The following TNFRSF21 variants were observed in gnomAD, a reference collection of about 807,000 sequenced individuals.
The protein encoded by TNFRSF21 is tumor necrosis factor receptor superfamily member 21.
A neutral mutation model predicts 45.6 loss-of-function variants in TNFRSF21; 19 were observed. The ratio of observed to expected loss-of-function variants is 0.42; its 90% CI spans 0.29 to 0.61. The LOEUF (loss-of-function observed/expected upper bound fraction) is 0.61. TNFRSF21 is among the 20% of genes least tolerant of loss of function. The probability of loss-of-function intolerance (pLI) is 0.23; values close to 1 mark genes in which losing one functional copy is unlikely to be tolerated. For missense variants in TNFRSF21, 737 were observed against 851.5 expected (o/e 0.87, Z 1.67); for synonymous variants, 314 against 335.5 (o/e 0.94, Z 0.70).
Position 47,286,034 on chromosome 6 carries a change from A to C in TNFRSF21, c.658T>G (p.Ser220Ala). The C allele has an allele frequency of 1.2e-6, 2 of 1,614,186 alleles. No individual in the cohort carries two copies. The highest frequency in any genetic ancestry group is 1.7e-6 in the Non-Finnish European group (2 of 1,180,030). Residue 220 changes from serine (S) to alanine (A), a missense_variant, in exon 2 of 6, where the codon TCC becomes GCC. Transcript: ENST00000296861. ...VCGTLPSFSS[S>A]TSPSPGTAIF... ...GCTGTGCCAGGGGAAGGTGAGGTGG[A>C]GCTGGAGAAGGACGGGAGTGTGCCA...
chr6:47,305,248 C>A (rs990657789), intron 1 of TNFRSF21, among the ~76,000 whole-genome samples: 1 of 152,168 alleles, frequency 6.6e-6, no homozygotes, highest in African/African-American at 2.4e-5. Flanking sequence ...CCCAATTCAT[C>A]CCTGGGTTCC....
At chr6:47,293,992 T>A (rs1762763368) in intron 1 of TNFRSF21, among the ~76,000 whole-genome samples, 1 of 152,226 alleles carries the variant, frequency 6.6e-6, no homozygotes, top group Admixed American at 6.5e-5. Flanking sequence ...ACTGGTGCTA[T>A]CCATGCCCTC....
chr6:47,258,121 AT>A (rs1425388868), intron 3 of TNFRSF21, among the ~76,000 whole-genome samples: 1 of 152,050 alleles, frequency 6.6e-6, no homozygotes, highest in Non-Finnish European at 1.5e-5. Context: ...TATGCCTGTA[AT>A]TCTTTGGGAG....
intron 4 of TNFRSF21, among the ~76,000 whole-genome samples, chr6:47,252,119 T>C (rs1764908925): frequency 6.6e-6 from 1 of 152,196 alleles, no homozygotes; most frequent in Non-Finnish European, 1.5e-5. Context: ...GATAAAAGCA[T>C]TTGGACTTCT....
intron 4 of TNFRSF21, among the ~76,000 whole-genome samples, chr6:47,246,852 A>G (rs1330106949): frequency 2.6e-5 from 4 of 152,200 alleles, no homozygotes; most frequent in African/African-American, 9.6e-5. Context: ...GGACAAATAT[A>G]TATCTGCTCT....
intron 4 of TNFRSF21, among the ~76,000 whole-genome samples, chr6:47,238,895 C>T (rs1298542410): frequency 6.6e-6 from 1 of 152,168 alleles, no homozygotes; most frequent in Non-Finnish European, 1.5e-5. Context: ...CATTGCCTTT[C>T]CCCATTTCCA....
chr6:47,291,328 A>G (rs1238642606), intron 1 of TNFRSF21, among the ~76,000 whole-genome samples: 2 of 152,234 alleles, frequency 1.3e-5, no homozygotes, highest in Non-Finnish European at 2.9e-5. Flanking sequence ...GGGAGAAGGC[A>G]TATAATTGCA....
At chr6:47,293,188 T>C (rs1414408685) in intron 1 of TNFRSF21, among the ~76,000 whole-genome samples, 4 of 152,172 alleles carry the variant, frequency 2.6e-5, no homozygotes, top group Non-Finnish European at 2.9e-5. Flanking sequence ...CTTAAGTGTA[T>C]ATACTTATCT....
rs751084440 is a variant in TNFRSF21 at position 47,234,827 on chromosome 6, G to C, written c.1581C>G (p.Asn527Lys). Residue 527 changes from asparagine to lysine, a missense_variant, in exon 5 of 6, where the codon AAC becomes AAG. Transcript: ENST00000296861. ...PLSPSPIPSPNAKLENSALLT... is the reference protein window; with the variant it reads ...PLSPSPIPSPKAKLENSALLT... ...GGAGAGCGGAATTCTCAAGTTTCGC[G>C]TTGGGGCTGGGGATGGGGCTCGGGC... 1 of 1,544,462 alleles carries C rather than the reference G, an allele frequency of 6.5e-7. No homozygotes were observed. Among genetic ancestry groups the C allele is most frequent in the East Asian group, 2.5e-5 (1 of 40,168 alleles).
At chr6:47,268,581 T>G (rs1259246821) in intron 3 of TNFRSF21, among the ~76,000 whole-genome samples, 1 of 152,030 alleles carries the variant, frequency 6.6e-6, no homozygotes, top group African/African-American at 2.4e-5. Flanking sequence ...TTTCTTTAAG[T>G]TGCTTTCACC....
At chr6:47,251,871 GAAAGTC>G (rs1764905961) in intron 4 of TNFRSF21, among the ~76,000 whole-genome samples, 1 of 152,134 alleles carries the variant, frequency 6.6e-6, no homozygotes, top group African/African-American at 2.4e-5. Context: ...TTATTTCTTA[GAAAGTC>G]ATAAGACACT....
chr6:47,261,544 A>G (rs1765074073), intron 3 of TNFRSF21, among the ~76,000 whole-genome samples: 1 of 152,180 alleles, frequency 6.6e-6, no homozygotes, highest in Non-Finnish European at 1.5e-5. Flanking sequence ...CCAGATCTCT[A>G]GCCTCTATAA....
intron 4 of TNFRSF21, among the ~76,000 whole-genome samples, chr6:47,246,538 A>G (rs993937386): frequency 6.6e-6 from 1 of 152,240 alleles, no homozygotes; most frequent in Non-Finnish European, 1.5e-5. Context: ...AGTTCCTTCT[A>G]GTAGTTCCTG....
intron 4 of TNFRSF21, among the ~76,000 whole-genome samples, chr6:47,239,669 T>A (rs1052977042): frequency 6.6e-6 from 1 of 152,098 alleles, no homozygotes; most frequent in Non-Finnish European, 1.5e-5. Flanking sequence ...GGAAAAAGCA[T>A]TGCAAGAAAA....
chr6:47,286,257 G>T lies in TNFRSF21; in HGVS notation c.435C>A (p.Ala145=), dbSNP rs143890976. 1.4e-3 allele frequency: 2,321 copies of T among 1,614,204 alleles called. 8 individuals are homozygous for T. Among genetic ancestry groups the T allele is most frequent in the Non-Finnish European group, 1.8e-3 (2,155 of 1,180,040 alleles). ...PGMFQSNATC[A]PHTVCPVGWG... ...AACCCACAGGACACACCGTATGGGG[G>T]GCACAGGTAGCGTTAGACTGGAACA... Residue 145 remains alanine (A), a synonymous_variant, in exon 2 of 6, where the codon GCC becomes GCA. Coordinates refer to ENST00000296861, the MANE Select transcript of TNFRSF21 (RefSeq NM_014452.5).
intron 3 of TNFRSF21, among the ~76,000 whole-genome samples, chr6:47,259,691 G>A (rs1040756932): frequency 3.9e-5 from 6 of 152,086 alleles, no homozygotes; most frequent in South Asian, 2.1e-4. Flanking sequence ...GCCTTTTCCC[G>A]TGGTGCCAGA....
chr6:47,262,964 G>A (rs936420964), intron 3 of TNFRSF21, among the ~76,000 whole-genome samples: 1 of 152,144 alleles, frequency 6.6e-6, no homozygotes, highest in Non-Finnish European at 1.5e-5. Context: ...CAGCTGTTGT[G>A]CCAAGAATAA....
At position 47,307,243 on chromosome 6, in the gene TNFRSF21, T is replaced by C. The variant is rs150076793; in HGVS notation, c.96+2173A>G. 5.2e-3 allele frequency among the ~76,000 whole-genome samples: 785 copies of C among 152,326 alleles called. 7 individuals are homozygous for C. Among genetic ancestry groups the C allele is most frequent in the African/African-American group, 0.018 (738 of 41,582 alleles). On this transcript the variant is annotated intron_variant, in intron 1 of 5. Coordinates refer to ENST00000296861, the MANE Select transcript of TNFRSF21 (RefSeq NM_014452.5). Reference sequence around the variant, plus strand: ...TAGCAGAAGAATAAGGAATCCTGTATTGGTTATCAACTTGAGACTGCTCCT... The same window carrying C: ...TAGCAGAAGAATAAGGAATCCTGTACTGGTTATCAACTTGAGACTGCTCCT...
At chr6:47,265,667 G>A (rs1762322581) in intron 3 of TNFRSF21, among the ~76,000 whole-genome samples, 1 of 152,162 alleles carries the variant, frequency 6.6e-6, no homozygotes, top group South Asian at 2.1e-4. Context: ...AACAGGACAT[G>A]GCACTCAGGA....
Sources: allele counts gnomAD v4.1 joint callset (sites outside exome capture counted in the v4.1 genomes callset), GRCh38; gene constraint gnomAD v4.1.1; transcripts MANE v1.5; gene names NCBI Gene and HGNC (gene_info 2026-07-23, HGNC 2026-07-21).